ARFIP1: variants seen among roughly 807,000 people sequenced by gnomAD.
ARFIP1 encodes the protein ARF interacting protein 1.
In ARFIP1, 24 loss-of-function variants were observed where a neutral mutation model predicts 42.5. The observed-to-expected ratio is 0.57, with a 90% CI of 0.41 to 0.80. ARFIP1 has a LOEUF of 0.80. Ranked by LOEUF, ARFIP1 falls within the 30% of genes least tolerant of loss-of-function variation. The pLI, the probability that ARFIP1 is intolerant of heterozygous loss-of-function variation, is 0.00. For synonymous variants in ARFIP1, 141 were observed against 153.7 expected, an observed-to-expected ratio of 0.92 and a Z score of 0.61; for missense variants, 354 against 434.0, an observed-to-expected ratio of 0.82 and a Z score of 1.64.
chr4:152,840,221 C>T (rs1055966467), intron 2 of ARFIP1, among the ~76,000 whole-genome samples: 18 of 152,108 alleles, frequency 1.2e-4, no homozygotes, highest in African/African-American at 4.3e-4. Context: ...AATGTGTATT[C>T]TGTGGTGGTT....
At chr4:152,871,335 A>G (rs539056894) in intron 4 of ARFIP1, among the ~76,000 whole-genome samples, 1 of 152,238 alleles carries the variant, frequency 6.6e-6, no homozygotes, top group Admixed American at 6.5e-5. Flanking sequence ...TTTACCAGTT[A>G]TACCCAATGA....
At chr4:152,782,085 T>C (rs1465200064) in intron 1 of ARFIP1, among the ~76,000 whole-genome samples, 3 of 152,106 alleles carry the variant, frequency 2.0e-5, no homozygotes, top group South Asian at 2.1e-4. Flanking sequence ...ACTTAGGCAG[T>C]ATCTTGTTGA....
chr4:152,822,645 G>A (rs1035768407), intron 1 of ARFIP1, among the ~76,000 whole-genome samples: 1 of 152,084 alleles, frequency 6.6e-6, no homozygotes, highest in East Asian at 1.9e-4. Flanking sequence ...ATTCTCCAAG[G>A]TATATCACAT....
chr4:152,781,854 G>C (rs775855914), intron 1 of ARFIP1, among the ~76,000 whole-genome samples: 1 of 152,078 alleles, frequency 6.6e-6, no homozygotes, highest in Non-Finnish European at 1.5e-5. Flanking sequence ...ATGGCCTAAG[G>C]GTCAACAACT....
chr4:152,842,100 G>A (rs1732137265), intron 2 of ARFIP1, among the ~76,000 whole-genome samples: 1 of 152,156 alleles, frequency 6.6e-6, no homozygotes, highest in Admixed American at 6.5e-5. Flanking sequence ...CACGGGGCTT[G>A]CAACTTAGCT....
chr4:152,891,603 G>A (rs1275071061), intron 8 of ARFIP1, among the ~76,000 whole-genome samples: 2 of 152,078 alleles, frequency 1.3e-5, no homozygotes, highest in Non-Finnish European at 2.9e-5. Context: ...TCAAGTCTAG[G>A]TTTTTTGTTC....
chr4:152,882,973 C>A, intron 7 of ARFIP1, 93 bp downstream of exon 7: 1 of 1,316,344 alleles, frequency 7.6e-7, no homozygotes, highest in Non-Finnish European at 1.0e-6. Context: ...CCAACTCTGG[C>A]CAATATGGGC....
chr4:152,909,916 A>C, intron 8 of ARFIP1, 148 bp from the exon 9 acceptor site: 1 of 996,934 alleles, frequency 1.0e-6, no homozygotes. Context: ...GGCAGTGTAC[A>C]CTTGGTATGT....
At chr4:152,909,132 C>T (rs1220688054) in intron 8 of ARFIP1, among the ~76,000 whole-genome samples, 1 of 152,144 alleles carries the variant, frequency 6.6e-6, no homozygotes, top group Non-Finnish European at 1.5e-5. Context: ...CGCCTGTAAT[C>T]CCAGCACTTT....
intron 8 of ARFIP1, among the ~76,000 whole-genome samples, chr4:152,900,709 C>T (rs909722311): frequency 2.0e-5 from 3 of 152,150 alleles, no homozygotes. Flanking sequence ...TGATCTCTTT[C>T]TGGGAAAAGT....
At chr4:152,884,681 A>G (rs1397808673) in intron 7 of ARFIP1, among the ~76,000 whole-genome samples, 1 of 151,984 alleles carries the variant, frequency 6.6e-6, no homozygotes, top group East Asian at 1.9e-4. Flanking sequence ...ACAGTTTATA[A>G]TTAATTTGTA....
chr4:152,890,763 A>G (rs1736777957), intron 8 of ARFIP1, among the ~76,000 whole-genome samples: 1 of 152,162 alleles, frequency 6.6e-6, no homozygotes, highest in South Asian at 2.1e-4. Flanking sequence ...ATGTGTGTTT[A>G]GAGTTTGGAT....
chr4:152,828,495 C>A (rs1731013975), intron 1 of ARFIP1, among the ~76,000 whole-genome samples: 2 of 152,220 alleles, frequency 1.3e-5, no homozygotes, highest in South Asian at 4.1e-4. Flanking sequence ...TGCTTACTAG[C>A]CACTTTACAT....
In ARFIP1 at chr4:152,911,234, A is replaced by C. The variant is rs1278013087; in HGVS notation, c.*1015A>C. 1.3e-5 allele frequency: 2 copies of C among 152,660 alleles called. No individual in the cohort carries two copies. The highest frequency in any genetic ancestry group is 3.8e-4 in the East Asian group (2 of 5,202). 9.5% of individuals were successfully genotyped at this position (152,660 alleles called of 1,614,324 possible). On this transcript the variant is annotated 3_prime_UTR_variant, in exon 9 of 9. Transcript: ENST00000353617. ...GTCTATTCCTTCCATGGAATGGAGCACTATGTATGAATGTTGGGTTTCTTT... is the reference window on the plus strand; with the variant it reads ...GTCTATTCCTTCCATGGAATGGAGCCCTATGTATGAATGTTGGGTTTCTTT...
intron 5 of ARFIP1, among the ~76,000 whole-genome samples, chr4:152,876,326 C>T (rs925901533): frequency 2.0e-4 from 30 of 152,210 alleles, no homozygotes; most frequent in African/African-American, 6.3e-4. Flanking sequence ...GGCTGAATAA[C>T]TTATTGGGAA....
At chr4:152,828,649 A>G (rs1426827152) in intron 1 of ARFIP1, among the ~76,000 whole-genome samples, 3 of 152,168 alleles carry the variant, frequency 2.0e-5, no homozygotes, top group Admixed American at 6.5e-5. Flanking sequence ...GTTCTTTGCA[A>G]ATACATTCTC....
chr4:152,850,048 T>G (rs901149973), intron 2 of ARFIP1, among the ~76,000 whole-genome samples: 2 of 152,244 alleles, frequency 1.3e-5, no homozygotes, highest in African/African-American at 4.8e-5. Flanking sequence ...ATTACCAATT[T>G]TACGCATTTC....
At chr4:152,828,708 A>G (rs527915704) in intron 1 of ARFIP1, among the ~76,000 whole-genome samples, 10 of 152,316 alleles carry the variant, frequency 6.6e-5, no homozygotes, top group African/African-American at 2.2e-4. Context: ...TCTGTGGAGC[A>G]GAAATCTTAA....
At chr4:152,785,786 G>C (rs1420732515) in intron 1 of ARFIP1, among the ~76,000 whole-genome samples, 1 of 152,136 alleles carries the variant, frequency 6.6e-6, no homozygotes, top group African/African-American at 2.4e-5. Context: ...TAATGCCAGG[G>C]ATGCTAGCCA....
Sources: allele counts gnomAD v4.1 joint callset (sites outside exome capture counted in the v4.1 genomes callset), GRCh38; gene constraint gnomAD v4.1.1; transcripts MANE v1.5; gene names NCBI Gene and HGNC (gene_info 2026-07-23, HGNC 2026-07-21).